The following BMP7 variants were observed in gnomAD, a reference collection of about 807,000 sequenced individuals.
BMP7 encodes bone morphogenetic protein 7.
In BMP7, 12 loss-of-function variants were observed where a neutral mutation model predicts 41.2. The ratio of observed to expected loss-of-function variants is 0.29; its 90% CI spans 0.19 to 0.47. The LOEUF is 0.47. BMP7 is among the 20% of genes least tolerant of loss of function. The pLI, the probability that BMP7 is intolerant of heterozygous loss-of-function variation, is 0.99. For missense variants in BMP7, 467 were observed against 606.0 expected (o/e 0.77, Z 2.41); for synonymous variants, 248 against 250.0 (o/e 0.99, Z 0.07).
At chr20:57,205,740 AC>A (rs770351068) in intron 2 of BMP7, among the ~76,000 whole-genome samples, 35 of 152,140 alleles carry the variant, frequency 2.3e-4, no homozygotes, top group Non-Finnish European at 4.7e-4. Flanking sequence ...TAAACAGAGA[AC>A]GCCTCGCCAA....
intron 6 of BMP7, chr20:57,172,902 G>A (rs1016801502): frequency 5.5e-5 from 33 of 596,050 alleles, no homozygotes; most frequent in East Asian, 4.4e-4. Flanking sequence ...CTTAGGCACC[G>A]TAACCAGCAC....
chr20:57,186,644 G>A (rs917071663), intron 3 of BMP7, among the ~76,000 whole-genome samples: 6 of 152,084 alleles, frequency 3.9e-5, no homozygotes, highest in Non-Finnish European at 5.9e-5. Flanking sequence ...CTGCAGATAC[G>A]GTGCCCCCAA....
chr20:57,197,149 C>A (rs1290175177), intron 3 of BMP7, among the ~76,000 whole-genome samples: 3 of 152,014 alleles, frequency 2.0e-5, no homozygotes, highest in Non-Finnish European at 2.9e-5. Flanking sequence ...ATCTGCCCGC[C>A]TCAGTCTCCC....
chr20:57,264,753 GCA>G (rs1316089171), intron 1 of BMP7, among the ~76,000 whole-genome samples: 1 of 151,236 alleles, frequency 6.6e-6, no homozygotes, highest in African/African-American at 2.5e-5. Context: ...TAGCGGCAGG[GCA>G]CAGTGGCTCA....
At chr20:57,187,699 G>A (rs1444874527) in intron 3 of BMP7, among the ~76,000 whole-genome samples, 2 of 152,140 alleles carry the variant, frequency 1.3e-5, no homozygotes, top group Non-Finnish European at 2.9e-5. Flanking sequence ...CAGAGACCGG[G>A]TCTCTCCTGA....
At chr20:57,226,006 A>G (rs2123115228) in intron 2 of BMP7, 1 of 465,622 alleles carries the variant, frequency 2.1e-6, no homozygotes, top group African/African-American at 2.0e-5. Flanking sequence ...AGCCCCCAGG[A>G]GCAGGACCCC....
At chr20:57,198,126 C>T (rs1202785561) in intron 3 of BMP7, among the ~76,000 whole-genome samples, 2 of 143,680 alleles carry the variant, frequency 1.4e-5, no homozygotes, top group Non-Finnish European at 3.1e-5. Flanking sequence ...TCTCCTCTCC[C>T]CTCCTCTCCT....
At chr20:57,237,460 G>A (rs1238174287) in intron 1 of BMP7, among the ~76,000 whole-genome samples, 1 of 152,192 alleles carries the variant, frequency 6.6e-6, no homozygotes, top group Non-Finnish European at 1.5e-5. Context: ...CTGTTAGGAG[G>A]CAGTTTACGA....
At chr20:57,256,017 C>G (rs1649380142) in intron 1 of BMP7, among the ~76,000 whole-genome samples, 1 of 152,020 alleles carries the variant, frequency 6.6e-6, no homozygotes, top group Admixed American at 6.6e-5. Context: ...TGAAGCTTGC[C>G]TTTGCTGAAA....
intron 1 of BMP7, chr20:57,243,814 C>G (rs1395655280): frequency 6.6e-6 from 1 of 152,304 alleles, no homozygotes; most frequent in East Asian, 1.9e-4. Context: ...CCTTTCATTT[C>G]CCTCCCATAG....
At chr20:57,198,487 C>T (rs990223976) in intron 3 of BMP7, among the ~76,000 whole-genome samples, 2 of 152,194 alleles carry the variant, frequency 1.3e-5, no homozygotes, top group African/African-American at 4.8e-5. Context: ...CCAGGCTCCC[C>T]GCTCGGCCTC....
At chr20:57,230,293 G>T (rs561713822) in intron 1 of BMP7, among the ~76,000 whole-genome samples, 9 of 152,260 alleles carry the variant, frequency 5.9e-5, no homozygotes, top group African/African-American at 2.2e-4. Flanking sequence ...TTGATTTACA[G>T]AGAAGGTAGG....
chr20:57,205,677 C>T (rs1984713498), intron 2 of BMP7, among the ~76,000 whole-genome samples: 1 of 152,098 alleles, frequency 6.6e-6, no homozygotes, highest in South Asian at 2.1e-4. Flanking sequence ...CTGGACAGGC[C>T]CTCGAGGACA....
intron 1 of BMP7, among the ~76,000 whole-genome samples, chr20:57,249,453 A>G (rs6123683): frequency 0.38 from 57,404 of 151,826 alleles, 10,941 homozygotes; most frequent in Admixed American, 0.44. Context: ...CTTCCCATGG[A>G]AATTCAAAGG....
chr20:57,219,215 G>T (rs1422188287), intron 2 of BMP7, among the ~76,000 whole-genome samples: 2 of 138,282 alleles, frequency 1.4e-5, no homozygotes, highest in Non-Finnish European at 2.9e-5. Context: ...TTGTTCGGTG[G>T]TAGGTGGTGT....
At chr20:57,250,099 A>G (rs941024625) in intron 1 of BMP7, among the ~76,000 whole-genome samples, 3 of 152,032 alleles carry the variant, frequency 2.0e-5, no homozygotes, top group Non-Finnish European at 4.4e-5. Flanking sequence ...AAATCATGCT[A>G]TTTAATGAAC....
intron 3 of BMP7, among the ~76,000 whole-genome samples, chr20:57,184,396 C>T (rs982402236): frequency 6.6e-6 from 1 of 151,926 alleles, no homozygotes; most frequent in Non-Finnish European, 1.5e-5. Context: ...GTGAGGGGGC[C>T]CAATGGATGT....
intron 3 of BMP7, among the ~76,000 whole-genome samples, chr20:57,187,784 C>A (rs1055374727): frequency 1.3e-5 from 2 of 152,150 alleles, no homozygotes; most frequent in African/African-American, 4.8e-5. Flanking sequence ...AAAAACCCTT[C>A]GATTTCTTAG....
At position 57,202,595 on chromosome 20, in the gene BMP7, G is replaced by A. The variant is rs767011450; in HGVS notation, c.640C>T (p.Arg214Cys). The A allele has an allele frequency of 3.2e-5, 51 of 1,612,208 alleles. No individual in the cohort carries two copies. The highest frequency in any genetic ancestry group is 2.6e-4 in the South Asian group (24 of 91,088). ...RESDLFLLDS[R>C]TLWASEEGWL... is the part of the protein sequence containing the mutation. ...CCCTCCTCCGAGGCCCAGAGGGTACGGCTGTCGAGCAGGAAGAGATCCGAT... is the reference window on the plus strand; with the variant it reads ...CCCTCCTCCGAGGCCCAGAGGGTACAGCTGTCGAGCAGGAAGAGATCCGAT... Residue 214 changes from arginine (R) to cysteine (C), a missense_variant, in exon 3 of 7, where the codon CGT (arginine) becomes TGT (cysteine). This residue lies in a region of BMP7 where 407 missense variants were observed against 485.9 expected (regional missense o/e 0.84). Coordinates refer to ENST00000395863, the MANE Select transcript of BMP7 (RefSeq NM_001719.3).
Sources: gnomAD v4.1 joint callset for allele counts (sites outside exome capture counted in the v4.1 genomes callset) on GRCh38, gnomAD v4.1.1 for gene constraint, gnomAD v4.1.1 regional missense constraint, MANE v1.5 for transcripts, NCBI Gene and HGNC (gene_info 2026-07-23, HGNC 2026-07-21) for gene names.